SIPA1L1: variants seen among roughly 807,000 people sequenced by gnomAD.
The protein encoded by SIPA1L1 is signal-induced proliferation-associated 1-like protein 1.
A neutral mutation model predicts 162.7 loss-of-function variants in SIPA1L1; 26 were observed. That is an observed-to-expected ratio of 0.16 (90% CI 0.12 to 0.22). The LOEUF (loss-of-function observed/expected upper bound fraction) is 0.22, where lower values mean the gene tolerates loss of function less well. SIPA1L1 is among the 10% of genes least tolerant of loss of function. The probability of loss-of-function intolerance (pLI) is 1.00; values close to 1 mark genes in which losing one functional copy is unlikely to be tolerated. For synonymous variants in SIPA1L1, 829 were observed against 837.4 expected (o/e 0.99, Z 0.17); for missense variants, 1,874 against 2,241.0 (o/e 0.84, Z 3.31).
intron 4 of SIPA1L1, among the ~76,000 whole-genome samples, chr14:71,555,804 A>G (rs1030235784): frequency 2.0e-5 from 3 of 152,152 alleles, no homozygotes; most frequent in Non-Finnish European, 4.4e-5. Flanking sequence ...AGAGGGAGGC[A>G]GATGGGGAAT....
intron 2 of SIPA1L1, among the ~76,000 whole-genome samples, chr14:71,495,913 A>G (rs1227964392): frequency 1.0e-5 from 1 of 99,230 alleles, no homozygotes; most frequent in Non-Finnish European, 2.6e-5. Flanking sequence ...AAAAAAAAAA[A>G]GAAGAAGAAA....
At chr14:71,613,260 A>G (rs1240318174) in intron 5 of SIPA1L1, among the ~76,000 whole-genome samples, 2 of 152,256 alleles carry the variant, frequency 1.3e-5, no homozygotes, top group African/African-American at 2.4e-5. Flanking sequence ...TTAACATTAA[A>G]TCAGCAGTTA....
At chr14:71,381,327 C>T (rs2039884170) in intron 2 of SIPA1L1, among the ~76,000 whole-genome samples, 1 of 152,146 alleles carries the variant, frequency 6.6e-6, no homozygotes, top group Non-Finnish European at 1.5e-5. Context: ...GCTGGGATTA[C>T]AGGCATGAGC....
At chr14:71,494,447 T>G (rs982456091) in intron 2 of SIPA1L1, among the ~76,000 whole-genome samples, 2 of 151,996 alleles carry the variant, frequency 1.3e-5, no homozygotes, top group African/African-American at 4.8e-5. Flanking sequence ...AATAATTGAT[T>G]TTTGGATGTT....
chr14:71,419,803 G>T (rs977251878), intron 2 of SIPA1L1, among the ~76,000 whole-genome samples: 11 of 151,996 alleles, frequency 7.2e-5, no homozygotes, highest in Admixed American at 7.2e-4. Context: ...GGCCAAGGAG[G>T]ATCTCTTGAG....
intron 5 of SIPA1L1, among the ~76,000 whole-genome samples, chr14:71,604,436 C>T (rs748144414): frequency 6.6e-6 from 1 of 152,170 alleles, no homozygotes; most frequent in Non-Finnish European, 1.5e-5. Context: ...AGCCACTGCA[C>T]CTGGCCAAGT....
chr14:71,358,132 G>T (rs918932545), intron 2 of SIPA1L1, among the ~76,000 whole-genome samples: 1 of 152,044 alleles, frequency 6.6e-6, no homozygotes, highest in Non-Finnish European at 1.5e-5. Context: ...AAAGTGCTGG[G>T]ATTACAGGCA....
At chr14:71,499,521 AT>A (rs1375421322) in intron 2 of SIPA1L1, among the ~76,000 whole-genome samples, 1 of 152,156 alleles carries the variant, frequency 6.6e-6, no homozygotes, top group Non-Finnish European at 1.5e-5. Context: ...GGAATATGTA[AT>A]TGTATCATAA....
chr14:71,452,308 C>G (rs1239014710), intron 2 of SIPA1L1, among the ~76,000 whole-genome samples: 1 of 151,986 alleles, frequency 6.6e-6, no homozygotes, highest in Non-Finnish European at 1.5e-5. Flanking sequence ...AATATGTACT[C>G]TTTGGTTGTA....
At chr14:71,403,256 A>G (rs1317288383) in intron 2 of SIPA1L1, among the ~76,000 whole-genome samples, 1 of 152,142 alleles carries the variant, frequency 6.6e-6, no homozygotes, top group Non-Finnish European at 1.5e-5. Flanking sequence ...AGCACAGTGT[A>G]CCTATTAGTT....
chr14:71,735,302 T>G lies in SIPA1L1; in HGVS notation c.5034T>G (p.Ala1678=). Reference sequence around the variant, plus strand: ...TCCAGAGAGCCTCATTTTTTGCTGCTAGTGATGAAAACCATCGCCCCTTGA... The same window carrying G: ...TCCAGAGAGCCTCATTTTTTGCTGCGAGTGATGAAAACCATCGCCCCTTGA... ...YEVQRASFFA[A]SDENHRPLSA... is the part of the protein sequence containing the mutation. Residue 1678 remains alanine (A), a synonymous_variant, in exon 22 of 24, where the codon GCT becomes GCG. Transcript: ENST00000381232. 6.2e-7 allele frequency: 1 copy of G among 1,614,052 alleles called. No individual in the cohort carries two copies. The highest frequency in any genetic ancestry group is 1.3e-5 in the African/African-American group (1 of 75,056).
At position 71,541,052 on chromosome 14, in the gene SIPA1L1, C is replaced by T. The variant is rs146582132; in HGVS notation, c.-303+11682C>T. On this transcript the variant is annotated intron_variant, in intron 4 of 23. Transcript: ENST00000381232. ...CTGAAGCAGGAGAATTGCTTGAACT[C>T]GGGAGGTGGAGGTTGCAGTGAGCCA... Among the ~76,000 whole-genome samples the T allele has an allele frequency of 5.3e-3, 801 of 151,948 alleles. 2 individuals are homozygous for T. The highest frequency in any genetic ancestry group is 8.5e-3 in the Admixed American group (129 of 15,244).
At chr14:71,714,125 G>A (rs1158409377) in intron 17 of SIPA1L1, among the ~76,000 whole-genome samples, 3 of 152,114 alleles carry the variant, frequency 2.0e-5, no homozygotes, top group Non-Finnish European at 2.9e-5. Context: ...AAACATTCAC[G>A]ATTATGTTCT....
chr14:71,631,742 C>A (rs1470220297), intron 7 of SIPA1L1, among the ~76,000 whole-genome samples: 2 of 152,056 alleles, frequency 1.3e-5, no homozygotes, highest in East Asian at 3.8e-4. Context: ...TATTTAGTAT[C>A]CATATGTCAT....
chr14:71,569,122 C>T (rs1439923021), intron 4 of SIPA1L1, among the ~76,000 whole-genome samples: 1 of 124,392 alleles, frequency 8.0e-6, no homozygotes, highest in Non-Finnish European at 1.6e-5. Context: ...AGCCCTATGC[C>T]AGTGTTACTC....
chr14:71,511,072 G>A (rs1217068249), intron 2 of SIPA1L1, among the ~76,000 whole-genome samples: 2 of 152,152 alleles, frequency 1.3e-5, no homozygotes, highest in Non-Finnish European at 2.9e-5. Flanking sequence ...CAGTAAACAA[G>A]GGATGCCTTT....
At chr14:71,365,253 A>G (rs1367859118) in intron 2 of SIPA1L1, among the ~76,000 whole-genome samples, 2 of 151,590 alleles carry the variant, frequency 1.3e-5, no homozygotes, top group East Asian at 1.9e-4. Flanking sequence ...GGCTCAAGCA[A>G]TCCTCCTGCC....
intron 2 of SIPA1L1, among the ~76,000 whole-genome samples, chr14:71,324,351 T>C (rs888536476): frequency 6.6e-6 from 1 of 152,230 alleles, no homozygotes; most frequent in Non-Finnish European, 1.5e-5. Flanking sequence ...AGGCAGTGAT[T>C]GGAAGACAGG....
intron 2 of SIPA1L1, among the ~76,000 whole-genome samples, chr14:71,427,459 T>G (rs567457065): frequency 6.6e-6 from 1 of 152,338 alleles, no homozygotes; most frequent in South Asian, 2.1e-4. Flanking sequence ...GCTTTCAAGA[T>G]TCTATCTTTG....
Sources: gnomAD v4.1 joint callset for allele counts (sites outside exome capture counted in the v4.1 genomes callset) on GRCh38, gnomAD v4.1.1 for gene constraint, MANE v1.5 for transcripts, NCBI Gene and HGNC (gene_info 2026-07-23, HGNC 2026-07-21) for gene names.